The following ADAMTS17 variants were observed in gnomAD, a reference collection of about 807,000 sequenced individuals.
ADAMTS17 encodes the protein A disintegrin and metalloproteinase with thrombospondin motifs 17.
Under a neutral mutation model 141.5 loss-of-function variants are expected in ADAMTS17, and 113 were observed. That is an observed-to-expected ratio of 0.80 (90% CI 0.69 to 0.93). The LOEUF (loss-of-function observed/expected upper bound fraction) is 0.93, where lower values mean the gene tolerates loss of function less well. ADAMTS17 is among the 40% of genes least tolerant of loss of function. The pLI is 0.00. For synonymous variants in ADAMTS17, 768 were observed against 630.6 expected, an observed-to-expected ratio of 1.22 and a Z score of -3.27; for missense variants, 1,659 against 1,517.9, an observed-to-expected ratio of 1.09 and a Z score of -1.54.
chr15:100,235,099 A>G (rs2042613762), intron 7 of ADAMTS17, among the ~76,000 whole-genome samples: 1 of 152,176 alleles, frequency 6.6e-6, no homozygotes, highest in African/African-American at 2.4e-5. Flanking sequence ...CGATTCGAGA[A>G]CAGGAAGGCA....
rs75635375 is a variant in ADAMTS17 at position 100,173,039 on chromosome 15, G to A, written c.1182-17719C>T. On this transcript the variant is annotated intron_variant, in intron 8 of 21. Transcript: ENST00000268070. ...AGGCTTGGGAAAACTAAGCCCAAGC[G>A]GTCTAAGGGGTGGGGTGGGGAGATG... 4.7e-3 allele frequency among the ~76,000 whole-genome samples: 722 copies of A among 152,240 alleles called. 5 individuals are homozygous for A. Among genetic ancestry groups the A allele is most frequent in the Admixed American group, 0.021 (317 of 15,292 alleles).
intron 20 of ADAMTS17, among the ~76,000 whole-genome samples, chr15:99,981,399 C>T (rs2060479939): frequency 1.3e-5 from 2 of 152,208 alleles, no homozygotes; most frequent in South Asian, 4.1e-4. Flanking sequence ...GTCCCAAGGG[C>T]TCTGCCCCTT....
At chr15:100,157,427 A>T (rs542522980) in intron 8 of ADAMTS17, among the ~76,000 whole-genome samples, 10 of 152,318 alleles carry the variant, frequency 6.6e-5, no homozygotes, top group African/African-American at 2.4e-4. Flanking sequence ...CACTTGAATC[A>T]ATTTTTTGCT....
intron 8 of ADAMTS17, among the ~76,000 whole-genome samples, chr15:100,181,321 T>C (rs1351128962): frequency 6.6e-6 from 1 of 152,214 alleles, no homozygotes; most frequent in East Asian, 1.9e-4. Flanking sequence ...GCCAAGCTGG[T>C]ACCTAAGGTG....
At chr15:100,201,497 C>T (rs1008489406) in intron 7 of ADAMTS17, among the ~76,000 whole-genome samples, 5 of 152,178 alleles carry the variant, frequency 3.3e-5, no homozygotes, top group East Asian at 1.9e-4. Context: ...TTTATAGCAG[C>T]ATGAAAACAG....
chr15:100,294,234 T>G (rs1050092763), intron 3 of ADAMTS17, among the ~76,000 whole-genome samples: 6 of 152,182 alleles, frequency 3.9e-5, no homozygotes, highest in Admixed American at 3.9e-4. Context: ...AAATTTTGCA[T>G]GTCCCCAGAA....
At chr15:100,194,170 G>T (rs1402996827) in intron 8 of ADAMTS17, among the ~76,000 whole-genome samples, 1 of 152,216 alleles carries the variant, frequency 6.6e-6, no homozygotes, top group Admixed American at 6.5e-5. Context: ...ACCCCACCTA[G>T]AAGGTCCTGT....
intron 4 of ADAMTS17, among the ~76,000 whole-genome samples, chr15:100,275,678 G>C (rs1296662483): frequency 2.0e-5 from 3 of 152,042 alleles, no homozygotes; most frequent in Non-Finnish European, 4.4e-5. Flanking sequence ...CTGTAAAATG[G>C]GAATGACGAA....
chr15:100,152,475 T>A, intron 10 of ADAMTS17, 137 bp downstream of exon 10: 1 of 1,155,672 alleles, frequency 8.7e-7, no homozygotes, highest in Non-Finnish European at 1.3e-6. Flanking sequence ...TGTGTGCATA[T>A]ACATGTATAC....
intron 15 of ADAMTS17, among the ~76,000 whole-genome samples, chr15:100,069,530 C>A (rs2033814769): frequency 6.6e-6 from 1 of 152,184 alleles, no homozygotes; most frequent in Non-Finnish European, 1.5e-5. Context: ...GCCCATCAGA[C>A]TAACAGTGGA....
At chr15:100,233,260 G>A (rs1159306173) in intron 7 of ADAMTS17, among the ~76,000 whole-genome samples, 1 of 151,728 alleles carries the variant, frequency 6.6e-6, no homozygotes, top group African/African-American at 2.4e-5. Context: ...AACCCAGGAG[G>A]CAGAGGTTGC....
chr15:100,043,815 G>A (rs1224319106), intron 18 of ADAMTS17, among the ~76,000 whole-genome samples: 1 of 152,248 alleles, frequency 6.6e-6, no homozygotes, highest in Non-Finnish European at 1.5e-5. Flanking sequence ...AGTCTGAAGT[G>A]TATTTGGCTT....
At chr15:100,189,107 C>A (rs1022783440) in intron 8 of ADAMTS17, among the ~76,000 whole-genome samples, 3 of 152,202 alleles carry the variant, frequency 2.0e-5, no homozygotes. Context: ...CCAACAGTCT[C>A]CAGGGTGATG....
intron 15 of ADAMTS17, among the ~76,000 whole-genome samples, chr15:100,068,197 G>T (rs976369652): frequency 2.6e-5 from 4 of 152,130 alleles, no homozygotes; most frequent in Admixed American, 2.6e-4. Context: ...CGGCAGTGAG[G>T]CTGGGGGAGG....
chr15:100,058,166 C>G (rs76023066), intron 15 of ADAMTS17, among the ~76,000 whole-genome samples: 1 of 146,002 alleles, frequency 6.8e-6, no homozygotes, highest in African/African-American at 2.6e-5. Flanking sequence ...CAGCTCTAAC[C>G]CTCCTATCCC....
intron 8 of ADAMTS17, among the ~76,000 whole-genome samples, chr15:100,194,691 T>C (rs923810108): frequency 6.6e-6 from 1 of 152,164 alleles, no homozygotes; most frequent in Non-Finnish European, 1.5e-5. Context: ...ATTTTCCTCT[T>C]TCTCTTTAAA....
intron 4 of ADAMTS17, among the ~76,000 whole-genome samples, chr15:100,273,752 T>G (rs1374522923): frequency 6.6e-6 from 1 of 152,176 alleles, no homozygotes; most frequent in Non-Finnish European, 1.5e-5. Context: ...TTGTTCTTCT[T>G]CTAGTTCCTT....
chr15:100,098,334 A>G (rs1161451172), intron 14 of ADAMTS17, among the ~76,000 whole-genome samples: 1 of 152,134 alleles, frequency 6.6e-6, no homozygotes, highest in Non-Finnish European at 1.5e-5. Flanking sequence ...GCCAGCTGCT[A>G]TCAAGTTGCT....
chr15:100,244,890 C>T (rs1376187885), intron 7 of ADAMTS17, among the ~76,000 whole-genome samples: 2 of 152,156 alleles, frequency 1.3e-5, no homozygotes, highest in Non-Finnish European at 2.9e-5. Flanking sequence ...GGAAGCATCA[C>T]TTCAAGGCCT....
Sources: gnomAD v4.1 joint callset for allele counts (sites outside exome capture counted in the v4.1 genomes callset) on GRCh38, gnomAD v4.1.1 for gene constraint, MANE v1.5 for transcripts, NCBI Gene and HGNC (gene_info 2026-07-23, HGNC 2026-07-21) for gene names.